The following XRRA1 variants were observed in gnomAD, a reference collection of about 807,000 sequenced individuals.
XRRA1 encodes X-ray radiation resistance associated 1.
XRRA1 carries 69 observed loss-of-function variants against 80.2 expected under a neutral mutation model. That is an observed-to-expected ratio of 0.86 (90% CI 0.71 to 1.05). XRRA1 has a LOEUF of 1.05. Ranked by LOEUF, XRRA1 falls within the 50% of genes least tolerant of loss-of-function variation. The pLI, the probability that XRRA1 is intolerant of heterozygous loss-of-function variation, is 0.00. For synonymous variants in XRRA1, 348 were observed against 389.9 expected, an observed-to-expected ratio of 0.89 and a Z score of 1.27; for missense variants, 967 against 976.4, an observed-to-expected ratio of 0.99 and a Z score of 0.13.
intron 10 of XRRA1, among the ~76,000 whole-genome samples, chr11:74,884,421 G>T (rs890967692): frequency 6.6e-6 from 1 of 152,178 alleles, no homozygotes; most frequent in Non-Finnish European, 1.5e-5. Flanking sequence ...TTGGTTAGGG[G>T]TGACCAGCTT....
chr11:74,921,418 G>A (rs1364367000), intron 7 of XRRA1, 71 bp from the exon 8 acceptor site: 1 of 1,585,224 alleles, frequency 6.3e-7, no homozygotes, highest in Non-Finnish European at 8.6e-7. Context: ...TATGATGTGG[G>A]AGCTACTTTC....
chr11:74,883,284 T>C (rs2048180675), intron 10 of XRRA1, among the ~76,000 whole-genome samples: 1 of 152,218 alleles, frequency 6.6e-6, no homozygotes, highest in Non-Finnish European at 1.5e-5. Context: ...CCAGGTGCCG[T>C]CCGTCACCCC....
chr11:74,886,856 C>T (rs542952115), intron 10 of XRRA1, among the ~76,000 whole-genome samples: 37 of 152,234 alleles, frequency 2.4e-4, no homozygotes, highest in Admixed American at 5.2e-4. Flanking sequence ...ATGGTACTGG[C>T]ACAAGAACAG....
chr11:74,858,970 C>T (rs78051581), intron 12 of XRRA1, among the ~76,000 whole-genome samples, 188 bp downstream of exon 12: 5 of 152,294 alleles, frequency 3.3e-5, no homozygotes, highest in African/African-American at 1.2e-4. Context: ...AAATAAATAT[C>T]TGTGACTGAA....
intron 10 of XRRA1, among the ~76,000 whole-genome samples, chr11:74,892,739 G>C (rs1251671494): frequency 6.6e-6 from 1 of 152,084 alleles, no homozygotes; most frequent in African/African-American, 2.4e-5. Flanking sequence ...TCAAAAAGTG[G>C]GTGAAGGATA....
chr11:74,917,133 C>T (rs1052989636), intron 8 of XRRA1, among the ~76,000 whole-genome samples: 1 of 152,032 alleles, frequency 6.6e-6, no homozygotes, highest in Non-Finnish European at 1.5e-5. Context: ...CCTCTGTGTG[C>T]ACCTCAATGA....
chr11:74,939,417 A>C (rs528613028), intron 3 of XRRA1, among the ~76,000 whole-genome samples: 1 of 152,340 alleles, frequency 6.6e-6, no homozygotes, highest in African/African-American at 2.4e-5. Flanking sequence ...TATTTATATT[A>C]GTAGACTCAT....
At chr11:74,876,794 A>G (rs2046141807) in intron 10 of XRRA1, 1 of 152,198 alleles carries the variant, frequency 6.6e-6, no homozygotes, top group Admixed American at 6.5e-5. Context: ...GTAAATGAGT[A>G]AGGGCTATTC....
chr11:74,944,692 T>A (rs1947147480), intron 2 of XRRA1, among the ~76,000 whole-genome samples: 1 of 152,214 alleles, frequency 6.6e-6, no homozygotes, highest in African/African-American at 2.4e-5. Flanking sequence ...GTGGGGCCTA[T>A]AATTACCTTA....
chr11:74,891,804 A>G (rs1252085673), intron 10 of XRRA1, among the ~76,000 whole-genome samples: 3 of 152,210 alleles, frequency 2.0e-5, no homozygotes, highest in Non-Finnish European at 2.9e-5. Context: ...CCCATTCACA[A>G]TTGCTTCAAA....
At position 74,845,126 on chromosome 11, in the gene XRRA1, C is replaced by T; in HGVS notation, c.1874G>A (p.Gly625Asp). 1 of 1,614,032 alleles carries T rather than the reference C, an allele frequency of 6.2e-7. No individual in the cohort carries two copies. Among genetic ancestry groups the T allele is most frequent in the Non-Finnish European group, 8.5e-7 (1 of 1,179,904 alleles). ...PTAFLPSKYH[G>D]YEELLTAKPD... ...CTTGGCTGTCAGCAGTTCTTCATAG[C>T]CGTGGTACTTGCTGGGAAGGAAGGC... The change falls in exon 16 of 19, where the codon GGC becomes GAC. Residue 625 changes from glycine to aspartate, a missense_variant. By Grantham distance (94) the Gly-to-Asp change is moderately conservative. Coordinates refer to ENST00000684022, the MANE Select transcript of XRRA1 (RefSeq NM_001378157.1).
At chr11:74,924,703 C>T (rs1388649409) in intron 7 of XRRA1, among the ~76,000 whole-genome samples, 1 of 150,894 alleles carries the variant, frequency 6.6e-6, no homozygotes, top group Non-Finnish European at 1.5e-5. Flanking sequence ...TGTGGTGGTG[C>T]ACACTCATAG....
At chr11:74,844,706 T>C (rs2037555742) in intron 16 of XRRA1, among the ~76,000 whole-genome samples, 1 of 152,240 alleles carries the variant, frequency 6.6e-6, no homozygotes, top group Non-Finnish European at 1.5e-5. Flanking sequence ...ATTTTGGACG[T>C]TCAGTTTGGG....
chr11:74,930,639 A>G (rs984141508), intron 5 of XRRA1, among the ~76,000 whole-genome samples: 1 of 152,246 alleles, frequency 6.6e-6, no homozygotes, highest in African/African-American at 2.4e-5. Context: ...TATTTAATAC[A>G]GCTGAATATT....
chr11:74,851,381 C>T (rs573948025), intron 13 of XRRA1, among the ~76,000 whole-genome samples, 178 bp from the exon 14 acceptor site: 3 of 152,240 alleles, frequency 2.0e-5, no homozygotes, highest in Non-Finnish European at 4.4e-5. Flanking sequence ...CCATTATTCC[C>T]ATTCAATAGG....
At chr11:74,934,648 G>A (rs114427561) in intron 4 of XRRA1, among the ~76,000 whole-genome samples, 1,637 of 152,246 alleles carry the variant, frequency 0.011, 33 homozygotes, top group African/African-American at 0.035. Context: ...GTGGGTAGTA[G>A]GGATTATGAA....
chr11:74,931,856 C>T (rs1424364462), intron 5 of XRRA1: 1 of 152,214 alleles, frequency 6.6e-6, no homozygotes, highest in East Asian at 1.9e-4. Flanking sequence ...GTAGTTAAAA[C>T]AATTTACAGT....
At chr11:74,893,173 C>T (rs2051251024) in intron 10 of XRRA1, among the ~76,000 whole-genome samples, 1 of 152,024 alleles carries the variant, frequency 6.6e-6, no homozygotes. Flanking sequence ...CCAACAATGA[C>T]AGACTGGATT....
chr11:74,842,996 G>A lies in XRRA1; in HGVS notation c.*204C>T, dbSNP rs1338266900. The A allele has an allele frequency of 9.3e-6, 6 of 648,198 alleles. No individual in the cohort carries two copies. The highest frequency in any genetic ancestry group is 3.6e-5 in the African/African-American group (2 of 55,006). 40.2% of individuals were successfully genotyped at this position (648,198 alleles called of 1,614,324 possible). On this transcript the variant is annotated 3_prime_UTR_variant, in exon 19 of 19. Coordinates refer to ENST00000684022, the MANE Select transcript of XRRA1 (RefSeq NM_001378157.1). ...CCCTGTGCACCCACTCTTTATTGCC[G>A]CTGGGCCAGGCACCAGGTCATGCCT...
Sources: gnomAD v4.1 joint callset for allele counts (sites outside exome capture counted in the v4.1 genomes callset) on GRCh38, gnomAD v4.1.1 for gene constraint, MANE v1.5 for transcripts, NCBI Gene and HGNC (gene_info 2026-07-23, HGNC 2026-07-21) for gene names.